UGGT2: variants seen among roughly 807,000 people sequenced by gnomAD.
UGGT2 encodes the protein UDP-glucose glycoprotein glucosyltransferase 2.
In UGGT2, 180 loss-of-function variants were observed where a neutral mutation model predicts 192.1. That is an observed-to-expected ratio of 0.94 (90% CI 0.83 to 1.06). UGGT2 has a LOEUF of 1.06. Ranked by LOEUF, UGGT2 falls within the 50% of genes least tolerant of loss-of-function variation. The probability of loss-of-function intolerance (pLI) is 0.00; values close to 1 mark genes in which losing one functional copy is unlikely to be tolerated. For synonymous variants in UGGT2, 580 were observed against 591.0 expected, an observed-to-expected ratio of 0.98 and a Z score of 0.27; for missense variants, 1,849 against 1,795.7, an observed-to-expected ratio of 1.03 and a Z score of -0.54.
intron 38 of UGGT2, among the ~76,000 whole-genome samples, chr13:95,821,781 G>T (rs1044089747): frequency 6.6e-6 from 1 of 152,080 alleles, no homozygotes; most frequent in African/African-American, 2.4e-5. Flanking sequence ...TCTATATGTG[G>T]CTTGCAAGTT....
intron 38 of UGGT2, among the ~76,000 whole-genome samples, chr13:95,806,032 T>A (rs1884285771): frequency 4.8e-5 from 6 of 124,010 alleles, no homozygotes; most frequent in Admixed American, 8.1e-5. Context: ...GGGAAAGAGA[T>A]TATTAAAAAA....
intron 38 of UGGT2, among the ~76,000 whole-genome samples, chr13:95,830,199 C>G (rs2139858264): frequency 6.6e-6 from 1 of 152,222 alleles, no homozygotes; most frequent in East Asian, 1.9e-4. Flanking sequence ...CTAGGCAATA[C>G]CATTGAGGAC....
chr13:95,922,067 CAT>C (rs2048861510), intron 20 of UGGT2, among the ~76,000 whole-genome samples: 1 of 152,166 alleles, frequency 6.6e-6, no homozygotes, highest in Non-Finnish European at 1.5e-5. Context: ...AAATGTGACT[CAT>C]ATACACCATG....
At chr13:96,036,459 T>C (rs1471551927) in intron 1 of UGGT2, among the ~76,000 whole-genome samples, 2 of 152,098 alleles carry the variant, frequency 1.3e-5, no homozygotes, top group African/African-American at 4.8e-5. Flanking sequence ...CTGGGCTTCA[T>C]ACCTAGGTGA....
At chr13:95,817,069 A>C (rs1466034972) in intron 38 of UGGT2, among the ~76,000 whole-genome samples, 1 of 152,188 alleles carries the variant, frequency 6.6e-6, no homozygotes, top group African/African-American at 2.4e-5. Flanking sequence ...TGGAGGTTGC[A>C]GTGAGCTGAG....
chr13:96,042,609 T>TA lies in UGGT2; in HGVS notation c.158+10545dup, dbSNP rs573441281. ...AAAGGCAAAGCCCCATTTAAGGAAA[T>TA]AAAAAAAAAAAGATACAAGAAAGGA... is the stretch of plus-strand genomic sequence containing the variant. On this transcript the variant is annotated intron_variant, in intron 1 of 38. Coordinates refer to ENST00000376747, the MANE Select transcript of UGGT2 (RefSeq NM_020121.4). 7.2e-3 allele frequency among the ~76,000 whole-genome samples: 946 copies of TA among 130,534 alleles called. 9 individuals carry two copies. The highest frequency in any genetic ancestry group is 0.052 in the Middle Eastern group (14 of 270). The allele number at this position is 130,534 out of a possible 152,430, so 85.6% of individuals were successfully genotyped here. A position where few individuals can be genotyped will look rare whatever the true frequency, so the allele number is the denominator to read the frequency against.
intron 1 of UGGT2, among the ~76,000 whole-genome samples, chr13:96,050,278 T>A (rs1030327824): frequency 6.6e-6 from 1 of 152,236 alleles, no homozygotes; most frequent in Admixed American, 6.5e-5. Flanking sequence ...GCTAGCCATA[T>A]GTAGAAAGCT....
At chr13:95,859,808 G>T in intron 32 of UGGT2, 133 bp from the exon 33 acceptor site, 1 of 601,486 alleles carries the variant, frequency 1.7e-6, no homozygotes, top group Non-Finnish European at 2.8e-6. Flanking sequence ...GGATACATGT[G>T]CAGAACATAC....
chr13:96,021,576 TTTA>T (rs1195625186), intron 4 of UGGT2, among the ~76,000 whole-genome samples: 2 of 152,250 alleles, frequency 1.3e-5, no homozygotes, highest in Admixed American at 6.5e-5. Context: ...CAGCTATTCA[TTTA>T]TTAACACAGA....
At chr13:95,928,515 C>T (rs896843854) in intron 17 of UGGT2, among the ~76,000 whole-genome samples, 40 of 151,588 alleles carry the variant, frequency 2.6e-4, no homozygotes, top group Non-Finnish European at 4.3e-4. Flanking sequence ...ACCTCTCAGA[C>T]GGGGTGGTGG....
At chr13:95,910,886 G>T (rs999072351) in intron 20 of UGGT2, among the ~76,000 whole-genome samples, 16 of 152,208 alleles carry the variant, frequency 1.1e-4, no homozygotes, top group South Asian at 8.3e-4. Context: ...ACAACAAACT[G>T]TCTCTCAGAT....
chr13:95,815,618 T>C (rs1360671333), intron 38 of UGGT2, among the ~76,000 whole-genome samples: 3 of 152,182 alleles, frequency 2.0e-5, no homozygotes, highest in Non-Finnish European at 4.4e-5. Flanking sequence ...AATCAACACA[T>C]TAATCTTCAC....
intron 29 of UGGT2, among the ~76,000 whole-genome samples, chr13:95,875,885 T>C (rs1371616812): frequency 1.3e-5 from 2 of 152,172 alleles, no homozygotes; most frequent in Non-Finnish European, 2.9e-5. Flanking sequence ...CAACGTGTGG[T>C]ATAATAAAAG....
At chr13:95,945,458 TG>T (rs2049833043) in intron 15 of UGGT2, among the ~76,000 whole-genome samples, 1 of 152,160 alleles carries the variant, frequency 6.6e-6, no homozygotes, top group South Asian at 2.1e-4. Context: ...TTAAACCCTG[TG>T]GTTTCAAGTA....
intron 29 of UGGT2, 136 bp downstream of exon 29, chr13:95,877,143 A>G: frequency 1.5e-6 from 1 of 661,676 alleles, no homozygotes; most frequent in Non-Finnish European, 2.4e-6. Flanking sequence ...CGGCCTACCA[A>G]AGTGTTGGGA....
chr13:95,877,444 A>G (rs1891815983), intron 28 of UGGT2, 80 bp from the exon 29 acceptor site: 3 of 1,178,812 alleles, frequency 2.5e-6, no homozygotes, highest in Admixed American at 4.8e-5. Flanking sequence ...CGAATGATCT[A>G]AGAAAGTATT....
chr13:95,887,697 T>C (rs1309962259), intron 26 of UGGT2, among the ~76,000 whole-genome samples, 195 bp downstream of exon 26: 1 of 152,194 alleles, frequency 6.6e-6, no homozygotes, highest in Non-Finnish European at 1.5e-5. Context: ...TCAGATCACT[T>C]TGCTGAGTTA....
chr13:95,862,968 T>A (rs542990721), intron 31 of UGGT2, among the ~76,000 whole-genome samples: 32 of 152,196 alleles, frequency 2.1e-4, no homozygotes, highest in African/African-American at 7.5e-4. Context: ...ACTCAAGCAA[T>A]CCTCCCACCT....
At chr13:95,860,243 T>C (rs1890030764) in intron 32 of UGGT2, among the ~76,000 whole-genome samples, 1 of 151,264 alleles carries the variant, frequency 6.6e-6, no homozygotes, top group Non-Finnish European at 1.5e-5. Flanking sequence ...TCTCCCCTCA[T>C]TCCCTTCCTT....
Sources: allele counts gnomAD v4.1 joint callset (sites outside exome capture counted in the v4.1 genomes callset), GRCh38; gene constraint gnomAD v4.1.1; transcripts MANE v1.5; gene names NCBI Gene and HGNC (gene_info 2026-07-23, HGNC 2026-07-21).